The following POU3F3 variants were observed in gnomAD, a reference collection of about 807,000 sequenced individuals.
POU3F3 encodes POU domain, class 3, transcription factor 3.
In POU3F3, 1 loss-of-function variant was observed where a neutral mutation model predicts 8.6. The ratio of observed to expected loss-of-function variants is 0.12; its 90% CI spans 0.04 to 0.55. POU3F3 has a LOEUF of 0.55. POU3F3 is among the 20% of genes least tolerant of loss of function. The probability of loss-of-function intolerance (pLI) is 0.91; values close to 1 mark genes in which losing one functional copy is unlikely to be tolerated. For missense variants in POU3F3, 577 were observed against 690.7 expected, an observed-to-expected ratio of 0.84 and a Z score of 1.84; for synonymous variants, 418 against 327.4, an observed-to-expected ratio of 1.28 and a Z score of -2.99.
upstream of POU3F3, chr2:104,853,491 C>G (rs1676482777): frequency 1.3e-5 from 2 of 152,822 alleles, no homozygotes; most frequent in South Asian, 4.1e-4. Flanking sequence ...CGCTTCCCAC[C>G]CCCGCCGATC....
At chr2:104,862,743 T>C (rs1676680975), downstream of POU3F3, among the ~76,000 whole-genome samples, 1 of 152,140 alleles carries the variant, frequency 6.6e-6, no homozygotes. Flanking sequence ...TGAATTACCA[T>C]ACACCCGTTG....
chr2:104,906,726 T>C, the POU3F3 span, among the ~76,000 whole-genome samples: 2 of 152,210 alleles, frequency 1.3e-5, no homozygotes, highest in Non-Finnish European at 2.9e-5. Flanking sequence ...ACATTGCCTG[T>C]GTAATTTATT....
chr2:104,889,471 G>A, the POU3F3 span, among the ~76,000 whole-genome samples: 14 of 152,144 alleles, frequency 9.2e-5, no homozygotes, highest in Admixed American at 2.0e-4. Context: ...TGTGCAGGTC[G>A]GTTGCAGGTT....
At chr2:104,882,207 A>G in the POU3F3 span, among the ~76,000 whole-genome samples, 1 of 149,704 alleles carries the variant, frequency 6.7e-6, no homozygotes, top group Non-Finnish European at 1.5e-5. Flanking sequence ...CAGCTTTCTG[A>G]TTGGAAAAAT....
In POU3F3 at chr2:104,855,849, C is replaced by T. The variant is rs1676551553; in HGVS notation, c.339C>T (p.Ala113=). The T allele has an allele frequency of 2.7e-6, 3 of 1,091,832 alleles. No individual in the cohort carries two copies. Among genetic ancestry groups the T allele is most frequent in the Non-Finnish European group, 3.3e-6 (3 of 901,832 alleles). The allele number at this position is 1,091,832 out of a possible 1,614,324, so 67.6% of individuals were successfully genotyped here. Reference sequence around the variant, plus strand: ...CCGCCGCCGCCGCCGCTGCCGCCGCCGCCGCCGTGGAGGCGAGCTCGCCGT... The same window carrying T: ...CCGCCGCCGCCGCCGCTGCCGCCGCTGCCGCCGTGGAGGCGAGCTCGCCGT... ...HAAAAAAAAA[A]AAVEASSPWS... Residue 113 remains alanine, a synonymous_variant, in exon 1 of 1, where the codon GCC becomes GCT. Transcript: ENST00000361360.
At chr2:104,891,054 C>T in the POU3F3 span, among the ~76,000 whole-genome samples, 1 of 152,152 alleles carries the variant, frequency 6.6e-6, no homozygotes, top group Admixed American at 6.5e-5. Context: ...TTGAGGCTTC[C>T]TATCTGTAAG....
the POU3F3 span, among the ~76,000 whole-genome samples, chr2:104,884,059 T>C: frequency 1.3e-3 from 192 of 152,260 alleles, no homozygotes; most frequent in African/African-American, 4.1e-3. Flanking sequence ...CTGTGGGGAC[T>C]GATGAGAATA....
chr2:104,887,569 G>A, the POU3F3 span, among the ~76,000 whole-genome samples: 4 of 152,334 alleles, frequency 2.6e-5, no homozygotes, highest in Admixed American at 1.3e-4. Flanking sequence ...ATGTGGAATT[G>A]CTGATTGTCC....
the POU3F3 span, among the ~76,000 whole-genome samples, chr2:104,913,825 G>A: frequency 1.3e-5 from 2 of 151,974 alleles, no homozygotes; most frequent in Non-Finnish European, 2.9e-5. Context: ...ATAGCTCTGT[G>A]TATACTTTGA....
At chr2:104,888,526 T>C in the POU3F3 span, among the ~76,000 whole-genome samples, 4 of 152,182 alleles carry the variant, frequency 2.6e-5, no homozygotes, top group African/African-American at 9.7e-5. Context: ...GGTACCAGCC[T>C]TGATTATGGG....
At chr2:104,880,972 G>A in the POU3F3 span, among the ~76,000 whole-genome samples, 1 of 152,208 alleles carries the variant, frequency 6.6e-6, no homozygotes, top group Non-Finnish European at 1.5e-5. Context: ...GACAAAGACA[G>A]TGTATCAAAA....
the POU3F3 span, among the ~76,000 whole-genome samples, chr2:104,879,623 A>G: frequency 6.6e-6 from 1 of 152,074 alleles, no homozygotes; most frequent in Non-Finnish European, 1.5e-5. Flanking sequence ...GGTGGCCCTG[A>G]AGTGGGGTGC....
chr2:104,896,800 A>G, the POU3F3 span, among the ~76,000 whole-genome samples: 1 of 152,194 alleles, frequency 6.6e-6, no homozygotes, highest in South Asian at 2.1e-4. Context: ...GTGAAGATGG[A>G]CTGACGTGGG....
chr2:104,864,020 C>G, the POU3F3 span, among the ~76,000 whole-genome samples: 5 of 152,230 alleles, frequency 3.3e-5, no homozygotes, highest in Non-Finnish European at 5.9e-5. Flanking sequence ...TGGCCCACGC[C>G]TCCGCTTCCC....
the POU3F3 span, among the ~76,000 whole-genome samples, chr2:104,904,254 A>G: frequency 6.6e-6 from 1 of 152,200 alleles, no homozygotes; most frequent in Admixed American, 6.5e-5. Flanking sequence ...AGAGCTAATT[A>G]TCAGAGAGTG....
At chr2:104,859,755 A>C (rs1676633780), downstream of POU3F3, among the ~76,000 whole-genome samples, 1 of 152,234 alleles carries the variant, frequency 6.6e-6, no homozygotes, top group African/African-American at 2.4e-5. Context: ...TGAAATCTGA[A>C]AAAGGCCACA....
the POU3F3 span, among the ~76,000 whole-genome samples, chr2:104,895,612 G>A: frequency 2.6e-5 from 4 of 152,146 alleles, no homozygotes. Context: ...TCCAAACACA[G>A]TGAAAAACAG....
chr2:104,881,902 A>G, the POU3F3 span, among the ~76,000 whole-genome samples: 1 of 152,326 alleles, frequency 6.6e-6, no homozygotes, highest in South Asian at 2.1e-4. Flanking sequence ...GATGATTATC[A>G]TCGTTCCCAC....
chr2:104,871,052 C>T, the POU3F3 span, among the ~76,000 whole-genome samples: 1 of 152,212 alleles, frequency 6.6e-6, no homozygotes, highest in African/African-American at 2.4e-5. Context: ...ACCTTCCAAA[C>T]ATCCCAATAG....
Sources: gnomAD v4.1 joint callset for allele counts (sites outside exome capture counted in the v4.1 genomes callset) on GRCh38, gnomAD v4.1.1 for gene constraint, MANE v1.5 for transcripts, NCBI Gene and HGNC (gene_info 2026-07-23, HGNC 2026-07-21) for gene names.